DGKB: variants seen among roughly 807,000 people sequenced by gnomAD.
DGKB encodes the protein diacylglycerol kinase beta.
A neutral mutation model predicts 114.3 loss-of-function variants in DGKB; 67 were observed. That is an observed-to-expected ratio of 0.59 (90% CI 0.48 to 0.72). DGKB has a LOEUF of 0.72. DGKB is among the 30% of genes least tolerant of loss of function. DGKB has a pLI of 0.00. For missense variants in DGKB, 907 were observed against 975.2 expected, an observed-to-expected ratio of 0.93 and a Z score of 0.93; for synonymous variants, 398 against 323.1, an observed-to-expected ratio of 1.23 and a Z score of -2.49.
At chr7:14,803,874 T>C (rs920800605) in intron 2 of DGKB, among the ~76,000 whole-genome samples, 1 of 152,146 alleles carries the variant, frequency 6.6e-6, no homozygotes, top group African/African-American at 2.4e-5. Flanking sequence ...TAGCTCAATA[T>C]CTTTATTACT....
At chr7:14,772,017 C>G (rs1837496429) in intron 2 of DGKB, among the ~76,000 whole-genome samples, 1 of 152,106 alleles carries the variant, frequency 6.6e-6, no homozygotes, top group African/African-American at 2.4e-5. Context: ...AATTGTCAAC[C>G]AGAAAATGTT....
intron 2 of DGKB, among the ~76,000 whole-genome samples, chr7:14,792,784 C>T (rs1350632238): frequency 1.3e-5 from 2 of 152,282 alleles, no homozygotes; most frequent in African/African-American, 4.8e-5. Context: ...TATCCCCTGA[C>T]ATTTTTTCTA....
intron 6 of DGKB, among the ~76,000 whole-genome samples, chr7:14,709,348 A>T (rs1470277379): frequency 8.0e-4 from 109 of 135,468 alleles, no homozygotes; most frequent in Non-Finnish European, 1.3e-3. Flanking sequence ...AGAAATAGGA[A>T]CACTTTTACA....
At chr7:14,156,061 AC>A (rs1782974096) in intron 25 of DGKB, among the ~76,000 whole-genome samples, 1 of 152,152 alleles carries the variant, frequency 6.6e-6, no homozygotes, top group Non-Finnish European at 1.5e-5. Flanking sequence ...GCAGGAGAAT[AC>A]AAACAGTCAG....
intron 2 of DGKB, among the ~76,000 whole-genome samples, chr7:14,786,517 G>T (rs574448171): frequency 1.3e-5 from 2 of 152,160 alleles, no homozygotes; most frequent in African/African-American, 4.8e-5. Flanking sequence ...CCCTGGAGCC[G>T]GGGGGAACCA....
intron 23 of DGKB, among the ~76,000 whole-genome samples, chr7:14,209,829 T>G (rs1304072623): frequency 6.6e-6 from 1 of 152,020 alleles, no homozygotes; most frequent in Non-Finnish European, 1.5e-5. Context: ...TATTGTTATT[T>G]TATCATTATA....
intron 21 of DGKB, among the ~76,000 whole-genome samples, chr7:14,380,485 G>T (rs1225484998): frequency 2.0e-5 from 3 of 151,834 alleles, no homozygotes; most frequent in Admixed American, 2.0e-4. Context: ...GTTCCATTTA[G>T]CATAGAAAAT....
chr7:14,682,716 G>C, intron 11 of DGKB, 37 bp downstream of exon 11: 1 of 1,604,790 alleles, frequency 6.2e-7, no homozygotes, highest in South Asian at 1.1e-5. Context: ...ACTACATAAT[G>C]GCCACCTTCA....
chr7:14,758,916 GATAGATAGATAGATAGATAC>G (rs1200937795), intron 2 of DGKB, among the ~76,000 whole-genome samples: 6 of 148,458 alleles, frequency 4.0e-5, no homozygotes, highest in African/African-American at 1.6e-4. Flanking sequence ...TAGATAGATA[GATAGATAGATAGATAGATAC>G]ATAGATAGAT....
intron 21 of DGKB, among the ~76,000 whole-genome samples, chr7:14,357,950 CAG>C (rs1314368514): frequency 6.6e-6 from 1 of 152,148 alleles, no homozygotes; most frequent in Non-Finnish European, 1.5e-5. Flanking sequence ...AGAGTTTCTG[CAG>C]AGAGATCTGC....
At chr7:14,516,089 C>T (rs1788744240) in intron 20 of DGKB, among the ~76,000 whole-genome samples, 2 of 152,168 alleles carry the variant, frequency 1.3e-5, no homozygotes, top group Admixed American at 6.5e-5. Flanking sequence ...CTCAAGCAAT[C>T]TGCCCACCTT....
chr7:14,780,228 G>A (rs1278550942), intron 2 of DGKB, among the ~76,000 whole-genome samples: 1 of 152,180 alleles, frequency 6.6e-6, no homozygotes, highest in African/African-American at 2.4e-5. Context: ...CTGTGATGGA[G>A]AGCCACCCAC....
At chr7:14,654,346 C>A (rs1299367886) in intron 13 of DGKB, among the ~76,000 whole-genome samples, 2 of 151,782 alleles carry the variant, frequency 1.3e-5, no homozygotes, top group Admixed American at 1.3e-4. Context: ...GGTAAATAAT[C>A]TCTACAATTA....
rs565011416 is a variant in DGKB, at chr7:14,823,465, A to G, written c.70+17729T>C. The stretch of plus-strand genomic sequence containing the variant: ...CAAGGTAAAAATCACTAAGACATAG[A>G]GAATTTCAGATTTTTTTTGCTAATT... On this transcript the variant is annotated intron_variant, in intron 2 of 25. Coordinates refer to ENST00000402815, the MANE Select transcript of DGKB (RefSeq NM_001350709.2). 1.3e-3 allele frequency among the ~76,000 whole-genome samples: 193 copies of G among 152,252 alleles called. 1 individual carries two copies. Among genetic ancestry groups the G allele is most frequent in the African/African-American group, 4.5e-3 (185 of 41,568 alleles).
chr7:14,167,857 G>A (rs1483078138), intron 25 of DGKB, among the ~76,000 whole-genome samples: 1 of 152,058 alleles, frequency 6.6e-6, no homozygotes, highest in Non-Finnish European at 1.5e-5. Context: ...TTTCCTGTGA[G>A]AATTGAAAAT....
At chr7:14,435,351 A>G (rs551668745) in intron 21 of DGKB, among the ~76,000 whole-genome samples, 2 of 152,120 alleles carry the variant, frequency 1.3e-5, no homozygotes, top group Non-Finnish European at 2.9e-5. Context: ...AGAACGCAGT[A>G]TGTAGAGGAC....
intron 20 of DGKB, among the ~76,000 whole-genome samples, chr7:14,556,029 G>T (rs561353815): frequency 6.6e-6 from 1 of 152,264 alleles, no homozygotes; most frequent in East Asian, 1.9e-4. Flanking sequence ...ACTTTGTAGT[G>T]AAATTAGTAA....
rs575451414 is a variant in DGKB at position 14,455,578 on chromosome 7, C to CT, written c.1835+22582dup. Among the ~76,000 whole-genome samples, 8 of 151,996 alleles carry CT rather than the reference C, an allele frequency of 5.3e-5. No homozygotes were observed. In the East Asian group the frequency reaches 1.5e-3, roughly 29 times the overall value. The stretch of plus-strand genomic sequence containing the variant: ...TTACTTATATTTCTCTAGAGAGTAC[C>CT]TTTGCACAGGAAGTAATTTTCTATG... On this transcript the variant is annotated intron_variant, in intron 21 of 25. Coordinates refer to ENST00000402815, the MANE Select transcript of DGKB (RefSeq NM_001350709.2).
intron 21 of DGKB, among the ~76,000 whole-genome samples, chr7:14,445,004 G>C (rs1830544535): frequency 2.0e-5 from 3 of 151,750 alleles, no homozygotes; most frequent in African/African-American, 7.3e-5. Flanking sequence ...TTTTTCAGTT[G>C]CTAAGTAATA....
Sources: gnomAD v4.1 joint callset for allele counts (sites outside exome capture counted in the v4.1 genomes callset) on GRCh38, gnomAD v4.1.1 for gene constraint, MANE v1.5 for transcripts, NCBI Gene and HGNC (gene_info 2026-07-23, HGNC 2026-07-21) for gene names.